Variants in ALKBH5 observed in about 807,000 individuals in gnomAD.
The protein encoded by ALKBH5 is alkB homolog 5, RNA demethylase.
A neutral mutation model predicts 32.1 loss-of-function variants in ALKBH5; 2 were observed. The ratio of observed to expected loss-of-function variants is 0.06; its 90% CI spans 0.03 to 0.20. The LOEUF (loss-of-function observed/expected upper bound fraction) is 0.20. Ranked by LOEUF, ALKBH5 falls within the 10% of genes least tolerant of loss-of-function variation. ALKBH5 has a pLI of 1.00. For missense variants in ALKBH5, 352 were observed against 559.5 expected (o/e 0.63, Z 3.74); for synonymous variants, 300 against 231.7 (o/e 1.29, Z -2.68).
chr17:18,195,511 A>G (rs1433720235), intron 2 of ALKBH5, among the ~76,000 whole-genome samples: 1 of 152,222 alleles, frequency 6.6e-6, no homozygotes, highest in African/African-American at 2.4e-5. Context: ...ATTCGGCAGA[A>G]TCATGGCTTG....
intron 2 of ALKBH5, among the ~76,000 whole-genome samples, chr17:18,198,768 G>A (rs1322396508): frequency 3.3e-5 from 5 of 152,188 alleles, no homozygotes; most frequent in South Asian, 2.1e-4. Flanking sequence ...TGGACAGAAC[G>A]CAGCTTCTGT....
intron 2 of ALKBH5, among the ~76,000 whole-genome samples, chr17:18,203,117 C>T (rs996161397): frequency 1.3e-5 from 2 of 149,258 alleles, no homozygotes; most frequent in Admixed American, 6.7e-5. Flanking sequence ...CAAGGTCTTA[C>T]TTTGTTGCCC....
chr17:18,185,095 G>C, intron 1 of ALKBH5, 82 bp downstream of exon 1: 1 of 1,529,702 alleles, frequency 6.5e-7, no homozygotes, highest in African/African-American at 1.4e-5. Context: ...CAGCCCGTAG[G>C]AGTCTGCGTT....
chr17:18,209,684 C>T lies in ALKBH5; in HGVS notation c.*1288C>T, dbSNP rs2047293383. On this transcript the variant is annotated 3_prime_UTR_variant, in exon 4 of 4. Transcript: ENST00000399138. ...AGAGGCCCTCCCAGCAACCAGGATA[C>T]CACCACTTTGGGGGCTTTGTGTACA... 1 of 152,336 alleles carries T rather than the reference C, an allele frequency of 6.6e-6. No homozygotes were observed. Among genetic ancestry groups the T allele is most frequent in the African/African-American group, 2.4e-5 (1 of 41,448 alleles). The allele number at this position is 152,336 out of a possible 1,614,324, so 9.4% of individuals were successfully genotyped here.
At position 18,184,333 on chromosome 17, in the gene ALKBH5, C is replaced by CGCCGCCGCTGCCGCA; in HGVS notation, c.98_112dup (p.Ala33_Ala37dup). ...ACTATAAGGCGGGCAGCCGGGAGGC[C>CGCCGCCGCTGCCGCA]GCCGCCGCTGCCGCAGCCGCCGTAG... On this transcript the variant is annotated inframe_insertion, in exon 1 of 4. Coordinates refer to ENST00000399138, the MANE Select transcript of ALKBH5 (RefSeq NM_017758.4). 6.6e-7 allele frequency: 1 copy of CGCCGCCGCTGCCGCA among 1,511,584 alleles called. No homozygotes were observed. The highest frequency in any genetic ancestry group is 8.8e-7 in the Non-Finnish European group (1 of 1,133,742). 93.6% of individuals were successfully genotyped at this position (1,511,584 alleles called of 1,614,324 possible).
intron 2 of ALKBH5, among the ~76,000 whole-genome samples, chr17:18,201,786 G>GATAGATAGGTAGATAGGTA (rs200689873): frequency 1.2e-5 from 1 of 84,376 alleles, no homozygotes; most frequent in Non-Finnish European, 2.4e-5. Flanking sequence ...TAGATAGATA[G>GATAGATAGGTAGATAGGTA]GATAGATAAG....
At chr17:18,201,830 TAGATAGATGATAGATA>T in intron 2 of ALKBH5, among the ~76,000 whole-genome samples, 1 of 126,432 alleles carries the variant, frequency 7.9e-6, no homozygotes, top group Middle Eastern at 3.9e-3. Flanking sequence ...GATAGATAGA[TAGATAGATGATAGATA>T]GATTGATTGA....
intron 3 of ALKBH5, among the ~76,000 whole-genome samples, chr17:18,207,400 C>T (rs562682673): frequency 1.3e-5 from 2 of 152,154 alleles, no homozygotes; most frequent in African/African-American, 4.8e-5. Flanking sequence ...CAGTGGCTCA[C>T]GCCTGTAATC....
At chr17:18,195,859 G>A (rs1006607524) in intron 2 of ALKBH5, among the ~76,000 whole-genome samples, 1 of 152,244 alleles carries the variant, frequency 6.6e-6, no homozygotes, top group Non-Finnish European at 1.5e-5. Flanking sequence ...CAGAGTCATA[G>A]AAGTCAGTGA....
chr17:18,201,266 T>C (rs1054571977), intron 2 of ALKBH5, among the ~76,000 whole-genome samples: 1 of 152,218 alleles, frequency 6.6e-6, no homozygotes, highest in Non-Finnish European at 1.5e-5. Context: ...TCCACGTGCA[T>C]ACACCCTGCC....
chr17:18,209,548 T>A lies in ALKBH5; in HGVS notation c.*1152T>A, dbSNP rs1439013266. 6.6e-6 allele frequency: 1 copy of A among 152,240 alleles called. No individual in the cohort carries two copies. The highest frequency in any genetic ancestry group is 1.5e-5 in the Non-Finnish European group (1 of 68,068). The allele number at this position is 152,240 out of a possible 1,614,324, so 9.4% of individuals were successfully genotyped here. A position where few individuals can be genotyped will look rare whatever the true frequency, so the allele number is the denominator to read the frequency against. On this transcript the variant is annotated 3_prime_UTR_variant, in exon 4 of 4. Coordinates refer to ENST00000399138, the MANE Select transcript of ALKBH5 (RefSeq NM_017758.4). ...ATAATAAGGAAAAAAAGGTAAAGTC[T>A]TTGGTAGCTTCTATCCACTCAGATC...
At chr17:18,202,508 T>C (rs1368047963) in intron 2 of ALKBH5, among the ~76,000 whole-genome samples, 5 of 152,042 alleles carry the variant, frequency 3.3e-5, no homozygotes, top group African/African-American at 1.2e-4. Context: ...GGTTACTAAA[T>C]AGGCAAGAGG....
Position 18,183,840 on chromosome 17 carries a change from A to C in ALKBH5, c.-404A>C. On this transcript the variant is annotated 5_prime_UTR_variant, in exon 1 of 4. Coordinates refer to ENST00000399138, the MANE Select transcript of ALKBH5 (RefSeq NM_017758.4). The stretch of plus-strand genomic sequence containing the variant: ...GCGCGTGCGCGGTGAGGAGCCCGCT[A>C]AGGAGCGGCGCTGGCGGACGTCGGG... The C allele has an allele frequency of 6.4e-6, 2 of 313,230 alleles. No individual in the cohort carries two copies. Among genetic ancestry groups the C allele is most frequent in the Non-Finnish European group, 6.1e-6 (1 of 163,578 alleles). The allele number at this position is 313,230 out of a possible 1,614,324, so 19.4% of individuals were successfully genotyped here. A position where few individuals can be genotyped will look rare whatever the true frequency, so the allele number is the denominator to read the frequency against.
chr17:18,190,564 A>G (rs911090468), intron 1 of ALKBH5, among the ~76,000 whole-genome samples: 8 of 150,034 alleles, frequency 5.3e-5, no homozygotes, highest in Non-Finnish European at 1.0e-4. Flanking sequence ...AAAAAAAAAA[A>G]AAAAAAAATT....
chr17:18,183,936 G>A lies in ALKBH5; in HGVS notation c.-308G>A, dbSNP rs1209622662. 3 of 580,290 alleles carry A rather than the reference G, an allele frequency of 5.2e-6. No individual in the cohort carries two copies. Among genetic ancestry groups the A allele is most frequent in the East Asian group, 4.0e-5 (1 of 24,760 alleles). 35.9% of individuals were successfully genotyped at this position (580,290 alleles called of 1,614,324 possible). A position where few individuals can be genotyped will look rare whatever the true frequency, so the allele number is the denominator to read the frequency against. On this transcript the variant is annotated 5_prime_UTR_variant, in exon 1 of 4. Transcript: ENST00000399138. ...GGCCGGGCGTCCGAGGGTCTGGTCG[G>A]GAGTCGGGCCGCGTCTCCGCAGCAG...
chr17:18,194,289 G>A (rs11871970), intron 1 of ALKBH5, among the ~76,000 whole-genome samples: 52,674 of 151,600 alleles, frequency 0.35, 9,644 homozygotes, highest in Non-Finnish European at 0.41. Flanking sequence ...AAGTAGCTGG[G>A]ATTACAGGCG....
intron 1 of ALKBH5, among the ~76,000 whole-genome samples, chr17:18,190,936 T>C (rs770424463): frequency 3.9e-5 from 6 of 152,166 alleles, no homozygotes; most frequent in Non-Finnish European, 8.8e-5. Flanking sequence ...CAACATATAC[T>C]GGTCAGTGCC....
chr17:18,184,324 C>T lies in ALKBH5; in HGVS notation c.81C>T (p.Ser27=), dbSNP rs1233409261. ...CCCGGGACAACTATAAGGCGGGCAG[C>T]CGGGAGGCCGCCGCCGCTGCCGCAG... ...MTSRDNYKAG[S]REAAAAAAAA... The change falls in exon 1 of 4, where the codon AGC becomes AGT. Residue 27 remains serine (S), a synonymous_variant. Transcript: ENST00000399138. 2 of 1,513,816 alleles carry T rather than the reference C, an allele frequency of 1.3e-6. No homozygotes were observed. The highest frequency in any genetic ancestry group is 1.8e-6 in the Non-Finnish European group (2 of 1,134,794). The allele number at this position is 1,513,816 out of a possible 1,614,324, so 93.8% of individuals were successfully genotyped here.
intron 2 of ALKBH5, among the ~76,000 whole-genome samples, chr17:18,197,714 G>C (rs1291954737): frequency 2.6e-5 from 4 of 152,234 alleles, no homozygotes; most frequent in Non-Finnish European, 5.9e-5. Flanking sequence ...TCCCTGGGAA[G>C]CTTTTCAGCC....
Sources: gnomAD v4.1 joint callset for allele counts (sites outside exome capture counted in the v4.1 genomes callset) on GRCh38, gnomAD v4.1.1 for gene constraint, MANE v1.5 for transcripts, NCBI Gene and HGNC (gene_info 2026-07-23, HGNC 2026-07-21) for gene names.